PAQR6: variants seen among roughly 807,000 people sequenced by gnomAD.
The protein encoded by PAQR6 is membrane progestin receptor delta.
In PAQR6, 34 loss-of-function variants were observed where a neutral mutation model predicts 36.2. That is an observed-to-expected ratio of 0.94 (90% confidence interval 0.71 to 1.25). The LOEUF (loss-of-function observed/expected upper bound fraction) is 1.25, where lower values mean the gene tolerates loss of function less well. Among genes scored for constraint, PAQR6 ranks in the 50% most tolerant of loss-of-function variants. The probability of loss-of-function intolerance (pLI) is 0.00; values close to 1 mark genes in which losing one functional copy is unlikely to be tolerated. For missense variants in PAQR6, 431 were observed against 445.7 expected (o/e 0.97, Z 0.30); for synonymous variants, 190 against 190.7 (o/e 1.00, Z 0.03).
At chr1:156,244,739 G>T in intron 7 of PAQR6, 22 bp downstream of exon 7, 1 of 1,613,776 alleles carries the variant, frequency 6.2e-7, no homozygotes, top group Non-Finnish European at 8.5e-7. Context: ...CTCTTCCCGG[G>T]CCGGGCCAGG....
Position 156,244,849 on chromosome 1 carries a change from GCCATGGCTGGTGCTCAGGGCCTCCTGC to G in PAQR6, c.645_671del (p.Gln216_Gly224del). 4.3e-6 allele frequency: 7 copies of G among 1,613,454 alleles called. No homozygotes were observed. Among genetic ancestry groups the G allele is most frequent in the Non-Finnish European group, 5.9e-6 (7 of 1,180,026 alleles). ...TGAGCAGCGCGCAGAAGAGATGGTA[GCCATGGCTGGTGCTCAGGGCCTCCTGC>G]CCACAGCCGTGGCCCCTGCCCCAGC... On this transcript the variant is annotated inframe_deletion, in exon 7 of 8. Coordinates refer to ENST00000292291, the MANE Select transcript of PAQR6 (RefSeq NM_198406.3).
intron 2 of PAQR6, 33 bp downstream of exon 2, chr1:156,246,648 G>C: frequency 1.2e-6 from 2 of 1,609,962 alleles, no homozygotes; most frequent in Non-Finnish European, 1.7e-6. Flanking sequence ...CTAGGGAATG[G>C]GGGTTGGTGG....
rs1218831020 is a variant in PAQR6, at chr1:156,248,053, G to A, written c.-122C>T. The A allele has an allele frequency of 8.7e-6, 4 of 460,104 alleles. No individual in the cohort carries two copies. The highest frequency in any genetic ancestry group is 1.8e-5 in the Non-Finnish European group (4 of 221,522). 28.5% of individuals were successfully genotyped at this position (460,104 alleles called of 1,614,324 possible). The stretch of plus-strand genomic sequence containing the variant: ...GCTGCCAGCCAGGCTGATGGAGGAA[G>A]AGTGGCCAGGCAGGCGGGCCAGGCC... On this transcript the variant is annotated 5_prime_UTR_variant, in exon 1 of 8. Coordinates refer to ENST00000292291, the MANE Select transcript of PAQR6 (RefSeq NM_198406.3).
In PAQR6 at chr1:156,246,836, TG is replaced by T. The variant is rs910484997; in HGVS notation, c.-25-81del. On this transcript the variant is annotated intron_variant, in intron 1 of 7. Coordinates refer to ENST00000292291, the MANE Select transcript of PAQR6 (RefSeq NM_198406.3). ...CTTTCACCTGGGTTCAGCCGCAGGA[TG>T]GGCTGTGCGTGTGGGAGGCAGATGG... The T allele has an allele frequency of 5.5e-6, 7 of 1,279,316 alleles. No individual in the cohort carries two copies. In the African/African-American group the frequency reaches 1.0e-4, roughly 19 times the overall value. The allele number at this position is 1,279,316 out of a possible 1,614,324, so 79.2% of individuals were successfully genotyped here.
intron 2 of PAQR6, 97 bp downstream of exon 2, chr1:156,246,584 G>A: frequency 1.5e-6 from 2 of 1,377,262 alleles, no homozygotes; most frequent in Non-Finnish European, 2.0e-6. Flanking sequence ...TTCGCCTGCA[G>A]GAGGGGCTGC....
In PAQR6 at chr1:156,247,983, T is replaced by G. The variant is rs983616100; in HGVS notation, c.-52A>C. 2 of 464,370 alleles carry G rather than the reference T, an allele frequency of 4.3e-6. No homozygotes were observed. Among genetic ancestry groups the G allele is most frequent in the African/African-American group, 4.0e-5 (2 of 49,750 alleles). The allele number at this position is 464,370 out of a possible 1,614,324, so 28.8% of individuals were successfully genotyped here. ...CAGAGCTTGGTGGGTGCTCCTAAGCTGGTGGGTCAACAGGCCCAGGGCTCC... is the reference window on the plus strand; with the variant it reads ...CAGAGCTTGGTGGGTGCTCCTAAGCGGGTGGGTCAACAGGCCCAGGGCTCC... On this transcript the variant is annotated 5_prime_UTR_variant, in exon 1 of 8. Coordinates refer to ENST00000292291, the MANE Select transcript of PAQR6 (RefSeq NM_198406.3).
At position 156,244,672 on chromosome 1, in the gene PAQR6, G is replaced by A. The variant is rs773271050; in HGVS notation, c.760+89C>T. On this transcript the variant is annotated intron_variant, in intron 7 of 7. Transcript: ENST00000292291. ...TCCTATAATTTGCCTCCATCCTGGG[G>A]CTGTAATACCCATTTACCCAGTTCA... 1.6e-5 allele frequency: 25 copies of A among 1,598,244 alleles called. No homozygotes were observed. The South Asian group carries it at 2.7e-4, about 17-fold the overall frequency.
Position 156,244,077 on chromosome 1 carries a change from A to G in PAQR6, c.*52T>C, listed in dbSNP as rs768947121. 6.2e-7 allele frequency: 1 copy of G among 1,613,034 alleles called. No individual in the cohort carries two copies. Among genetic ancestry groups the G allele is most frequent in the East Asian group, 2.2e-5 (1 of 44,860 alleles). On this transcript the variant is annotated 3_prime_UTR_variant, in exon 8 of 8. Coordinates refer to ENST00000292291, the MANE Select transcript of PAQR6 (RefSeq NM_198406.3). ...TAGGCCCAAATCTGGGCTCCTCGTC[A>G]GCACTGGGGCCTGGCCTCTGCCCCC... is the stretch of plus-strand genomic sequence containing the variant.
In PAQR6 at chr1:156,246,188, A is replaced by G. The variant is rs1395173014; in HGVS notation, c.114T>C (p.Cys38=). 1.9e-6 allele frequency: 3 copies of G among 1,613,686 alleles called. No homozygotes were observed. Among genetic ancestry groups the G allele is most frequent in the Admixed American group, 3.3e-5 (2 of 60,018 alleles). ...YRRPTSSALD[C]VLSSFQMTNE... ...TGGTCATCTGGAAGGAGCTGAGGAC[A>G]CAGTCCAAAGCCGAGCTGGTGGGGC... Residue 38 remains cysteine, a synonymous_variant, in exon 3 of 8, where the codon TGT becomes TGC. Coordinates refer to ENST00000292291, the MANE Select transcript of PAQR6 (RefSeq NM_198406.3).
chr1:156,245,454 G>T, intron 5 of PAQR6, 81 bp downstream of exon 5: 1 of 1,572,968 alleles, frequency 6.4e-7, no homozygotes, highest in Non-Finnish European at 8.7e-7. Context: ...GATGCCTCCA[G>T]TGCTGTTCGA....
Position 156,243,814 on chromosome 1 carries a change from C to A in PAQR6, c.*315G>T. The A allele has an allele frequency of 6.5e-7, 1 of 1,533,262 alleles. No individual in the cohort carries two copies. The highest frequency in any genetic ancestry group is 8.8e-7 in the Non-Finnish European group (1 of 1,139,170). The allele number at this position is 1,533,262 out of a possible 1,614,324, so 95.0% of individuals were successfully genotyped here. On this transcript the variant is annotated 3_prime_UTR_variant, in exon 8 of 8. Coordinates refer to ENST00000292291, the MANE Select transcript of PAQR6 (RefSeq NM_198406.3). ...CCAGAAACGGAGCCAGATGAAAGGA[C>A]CCCAACACCTCCCCCCGCCAACCTT... is the stretch of plus-strand genomic sequence containing the variant.
chr1:156,244,480 C>T, intron 7 of PAQR6, 77 bp from the exon 8 acceptor site: 1 of 1,415,494 alleles, frequency 7.1e-7, no homozygotes, highest in Non-Finnish European at 9.3e-7. Flanking sequence ...TGCTACTCCC[C>T]CATAAATTGA....
In PAQR6 at chr1:156,245,876, C is replaced by T. The variant is rs201249778; in HGVS notation, c.291G>A (p.Ala97=). 3.7e-6 allele frequency: 6 copies of T among 1,600,696 alleles called. No homozygotes were observed. The highest frequency in any genetic ancestry group is 4.5e-5 in the East Asian group (2 of 44,372). Reference sequence around the variant, plus strand: ...AGCTGAAGGTGTGCGCGCAGCACGACGCGAAGGGGTAGAGGCAGGCGGGCA... The same window carrying T: ...AGCTGAAGGTGTGCGCGCAGCACGATGCGAAGGGGTAGAGGCAGGCGGGCA... ...FLLPACLYPF[A]SCCAHTFSSM... Residue 97 remains alanine, a synonymous_variant, in exon 4 of 8, where the codon GCG becomes GCA. Coordinates refer to ENST00000292291, the MANE Select transcript of PAQR6 (RefSeq NM_198406.3).
rs760240078 is a variant in PAQR6, at chr1:156,244,244, G to A, written c.920C>T (p.Ala307Val). ...GTVATLVLAA[A>V]GNLLIIAAFT... ...AGCAGCAATAATGAGTAGGTTCCCA[G>A]CTGCAGCCAAGACCAGTGTGGCCAC... The change falls in exon 8 of 8, where the codon GCT (alanine) becomes GTT (valine). Residue 307 changes from alanine (A) to valine (V), a missense_variant. Ala to Val is a moderately conservative substitution (Grantham distance 64). Transcript: ENST00000292291. 3 of 1,613,822 alleles carry A rather than the reference G, an allele frequency of 1.9e-6. No homozygotes were observed. The Admixed American group carries it at 5.0e-5, about 27-fold the overall frequency.
chr1:156,246,865 C>T, intron 1 of PAQR6, 109 bp from the exon 2 acceptor site: 1 of 905,458 alleles, frequency 1.1e-6, no homozygotes. Flanking sequence ...GCAGATGGCA[C>T]CCTCCCTCCT....
In PAQR6 at chr1:156,244,150, A is replaced by AC. The variant is rs747303869; in HGVS notation, c.1013dup (p.Thr339TyrfsTer12). The AC allele has an allele frequency of 1.9e-6, 3 of 1,604,080 alleles. No individual in the cohort carries two copies. The highest frequency in any genetic ancestry group is 1.3e-5 in the African/African-American group (1 of 74,794). ...GGCCTCACTGTTGTTTGGCCTGGGT[A>AC]CCCCCCTCCAGTGGGCCACCCTGCA... On this transcript the variant is annotated frameshift_variant, in exon 8 of 8. Coordinates refer to ENST00000292291, the MANE Select transcript of PAQR6 (RefSeq NM_198406.3). LOFTEE classifies it high-confidence loss of function.
At chr1:156,246,818 C>T (rs1317567037) in intron 1 of PAQR6, 62 bp from the exon 2 acceptor site, 2 of 1,417,584 alleles carry the variant, frequency 1.4e-6, no homozygotes, top group African/African-American at 2.8e-5. Flanking sequence ...CCCCTTTCAC[C>T]TGGGTTCAGC....
chr1:156,243,747 G>C lies in PAQR6; in HGVS notation c.*382C>G, dbSNP rs768782784. Reference sequence around the variant, plus strand: ...CATTCAGGGTAGGCCTAGGTTAGTCGTGTTAGTTCTTCCCTGTGCTGAGCA... The same window carrying C: ...CATTCAGGGTAGGCCTAGGTTAGTCCTGTTAGTTCTTCCCTGTGCTGAGCA... On this transcript the variant is annotated 3_prime_UTR_variant, in exon 8 of 8. Coordinates refer to ENST00000292291, the MANE Select transcript of PAQR6 (RefSeq NM_198406.3). 297 of 1,299,552 alleles carry C rather than the reference G, an allele frequency of 2.3e-4. 1 individual carries two copies. Among genetic ancestry groups the C allele is most frequent in the South Asian group, 1.2e-3 (82 of 68,186 alleles). 80.5% of individuals were successfully genotyped at this position (1,299,552 alleles called of 1,614,324 possible).
intron 5 of PAQR6, 92 bp from the exon 6 acceptor site, chr1:156,245,330 C>G: frequency 7.2e-7 from 1 of 1,396,920 alleles, no homozygotes; most frequent in Non-Finnish European, 1.0e-6. Context: ...GATGGAATAT[C>G]AGCACAGCCT....
Sources: gnomAD v4.1 joint callset for allele counts on GRCh38, gnomAD v4.1.1 for gene constraint, MANE v1.5 for transcripts, NCBI Gene and HGNC (gene_info 2026-07-23, HGNC 2026-07-21) for gene names.